Variants in SPRY3 observed in about 807,000 individuals in gnomAD.
SPRY3 encodes protein sprouty homolog 3.
SPRY3 carries 15 observed loss-of-function variants against 20.2 expected under a neutral mutation model. That is an observed-to-expected ratio of 0.74 (90% CI 0.50 to 1.14). The LOEUF (loss-of-function observed/expected upper bound fraction) is 1.14, where lower values mean the gene tolerates loss of function less well. SPRY3 is among the 50% of genes most tolerant of loss of function. The pLI, the probability that SPRY3 is intolerant of heterozygous loss-of-function variation, is 0.00. For synonymous variants in SPRY3, 143 were observed against 136.5 expected (o/e 1.05, Z -0.33); for missense variants, 364 against 363.9 (o/e 1.00, Z 0.00).
intron 2 of SPRY3, among the ~76,000 whole-genome samples, chrX:155,749,681 AC>A (rs2091250201): frequency 6.6e-6 from 1 of 151,678 alleles, no homozygotes; most frequent in South Asian, 2.1e-4. Context: ...ATTATATAGG[AC>A]CTTGTAGACT....
At chrX:155,761,689 T>C (rs2091304617) in intron 2 of SPRY3, among the ~76,000 whole-genome samples, 1 of 151,922 alleles carries the variant, frequency 6.6e-6, no homozygotes, top group Non-Finnish European at 1.5e-5. Flanking sequence ...AGTGTTCCCT[T>C]TTCTCTGCAG....
At chrX:155,765,002 C>T (rs1446605760) in intron 2 of SPRY3, among the ~76,000 whole-genome samples, 2 of 152,140 alleles carry the variant, frequency 1.3e-5, no homozygotes, top group Admixed American at 6.5e-5. Context: ...TCACTGTGTC[C>T]TCACATGATG....
At position 155,755,236 on chromosome X, in the gene SPRY3, CCAATGTCTTTAAATTGCTTCG is replaced by C. The variant is rs774101341; in HGVS notation, c.-281-12723_-281-12703del. ...ACACATCCCAGTTTAATCTTTTACCCCAATGTCTTTAAATTGCTTCGCATTTTACTTTATTAAAAGCAAAAG... is the reference window on the plus strand; with the variant it reads ...ACACATCCCAGTTTAATCTTTTACCCCATTTTACTTTATTAAAAGCAAAAG... On this transcript the variant is annotated intron_variant, in intron 2 of 3. Transcript: ENST00000675360. 9.0e-3 allele frequency among the ~76,000 whole-genome samples: 1,358 copies of C among 150,808 alleles called. 14 individuals carry two copies. The highest frequency in any genetic ancestry group is 0.032 in the African/African-American group (1,283 of 40,356).
intron 2 of SPRY3, among the ~76,000 whole-genome samples, chrX:155,669,392 C>CCTAA (rs1415123922): frequency 1.1e-4 from 12 of 110,432 alleles, no homozygotes; most frequent in African/African-American, 3.9e-4. Flanking sequence ...TTATCCTTCC[C>CCTAA]CTAACTTGTA....
chrX:155,741,142 T>G (rs2091202857), intron 2 of SPRY3, among the ~76,000 whole-genome samples: 1 of 152,014 alleles, frequency 6.6e-6, no homozygotes, highest in Admixed American at 6.6e-5. Flanking sequence ...GATAGCCAGT[T>G]AAGAGAGGAG....
intron 2 of SPRY3, among the ~76,000 whole-genome samples, chrX:155,743,347 C>T (rs1392788574): frequency 6.6e-6 from 1 of 152,084 alleles, no homozygotes; most frequent in African/African-American, 2.4e-5. Context: ...TGGGGATGTG[C>T]ACATGGTCAT....
At chrX:155,639,716 T>C (rs2067935129) in intron 1 of SPRY3, among the ~76,000 whole-genome samples, 2 of 112,309 alleles carry the variant, frequency 1.8e-5, no homozygotes, top group African/African-American at 6.5e-5. Context: ...TCAATTATTT[T>C]GGGTATATAC....
At chrX:155,779,682 G>GA (rs906770637), downstream of SPRY3, 1 of 166,952 alleles carries the variant, frequency 6.0e-6, no homozygotes, top group Non-Finnish European at 1.5e-5. Flanking sequence ...AAATGCTGGG[G>GA]AAAAAATGGC....
chrX:155,717,219 C>G (rs1602959553), intron 2 of SPRY3, among the ~76,000 whole-genome samples: 1 of 150,670 alleles, frequency 6.6e-6, no homozygotes, highest in East Asian at 2.0e-4. Flanking sequence ...TTTACCCTGT[C>G]TATGCTTGTT....
downstream of SPRY3, chrX:155,781,350 T>G (rs77442791): frequency 6.0e-6 from 1 of 166,838 alleles, no homozygotes; most frequent in Non-Finnish European, 1.5e-5. Context: ...CACAGTACCC[T>G]GAGACCAATT....
intron 1 of SPRY3, among the ~76,000 whole-genome samples, chrX:155,617,915 AG>A (rs2067859310): frequency 8.9e-6 from 1 of 112,085 alleles, no homozygotes; most frequent in African/African-American, 3.2e-5. Context: ...CAAAAAATAC[AG>A]GGAGACCTCG....
intron 1 of SPRY3, among the ~76,000 whole-genome samples, chrX:155,656,825 T>A (rs909446664): frequency 4.5e-5 from 5 of 111,872 alleles, no homozygotes; most frequent in African/African-American, 1.6e-4. Context: ...TTGCTTTCTG[T>A]TTGTTAGTTT....
Position 155,773,647 on chromosome X carries a change from A to G in SPRY3, c.-106-119A>G, listed in dbSNP as rs144893878. ...AATTACAGAATAAAGGTGTAGCATG[A>G]AGATTACTGTAAAGTAATTGAAGGT... On this transcript the variant is annotated intron_variant, in intron 3 of 3. Transcript: ENST00000675360. 3,783 of 588,168 alleles carry G rather than the reference A, an allele frequency of 6.4e-3. 15 individuals are homozygous for G. The highest frequency in any genetic ancestry group is 9.0e-3 in the Non-Finnish European group (2,987 of 332,660). 36.4% of individuals were successfully genotyped at this position (588,168 alleles called of 1,614,324 possible).
At chrX:155,736,375 A>C (rs2091169526) in intron 2 of SPRY3, among the ~76,000 whole-genome samples, 1 of 151,890 alleles carries the variant, frequency 6.6e-6, no homozygotes, top group African/African-American at 2.4e-5. Context: ...AGACAAGCCT[A>C]CTGGTGACAC....
intron 2 of SPRY3, among the ~76,000 whole-genome samples, chrX:155,696,550 A>T (rs2068119472): frequency 9.0e-6 from 1 of 111,699 alleles, no homozygotes; most frequent in African/African-American, 3.2e-5. Flanking sequence ...AATTAATAGC[A>T]CTCAACAAAA....
intron 1 of SPRY3, among the ~76,000 whole-genome samples, chrX:155,633,724 C>G (rs2067914631): frequency 9.0e-6 from 1 of 111,675 alleles, no homozygotes; most frequent in Admixed American, 9.5e-5. Flanking sequence ...TCAGATTACC[C>G]ACCCTATGGT....
intron 2 of SPRY3, among the ~76,000 whole-genome samples, chrX:155,730,785 A>G (rs759638101): frequency 6.6e-6 from 1 of 152,196 alleles, no homozygotes; most frequent in South Asian, 2.1e-4. Flanking sequence ...CCAGAAACCT[A>G]TTGGAACTGA....
chrX:155,729,822 G>GA (rs951730705), intron 2 of SPRY3, among the ~76,000 whole-genome samples: 2 of 150,792 alleles, frequency 1.3e-5, no homozygotes, highest in Admixed American at 1.3e-4. Context: ...GACTCACTAA[G>GA]AAAAAAAAGA....
chrX:155,631,324 A>AT (rs1330251223), intron 1 of SPRY3, among the ~76,000 whole-genome samples: 3 of 111,666 alleles, frequency 2.7e-5, no homozygotes, highest in African/African-American at 6.5e-5. Flanking sequence ...TATGTACTGT[A>AT]TTTTTTTTAT....
Sources: gnomAD v4.1 joint callset for allele counts (sites outside exome capture counted in the v4.1 genomes callset) on GRCh38, gnomAD v4.1.1 for gene constraint, MANE v1.5 for transcripts, NCBI Gene and HGNC (gene_info 2026-07-23, HGNC 2026-07-21) for gene names.